Variants in MADD observed in about 807,000 individuals in gnomAD.
MADD encodes the protein MAP kinase-activating death domain protein.
MADD carries 109 observed loss-of-function variants against 176.7 expected under a neutral mutation model. The observed-to-expected ratio is 0.62, with a 90% confidence interval of 0.53 to 0.72. The LOEUF (loss-of-function observed/expected upper bound fraction) is 0.72. Among genes scored for constraint, MADD ranks in the 30% least tolerant of loss-of-function variants. The pLI is 0.00. For synonymous variants in MADD, 771 were observed against 771.3 expected (o/e 1.00, Z 0.01); for missense variants, 1,914 against 2,045.5 (o/e 0.94, Z 1.24).
At chr11:47,311,423 GT>G (rs2089048316) in intron 25 of MADD, among the ~76,000 whole-genome samples, 1 of 152,192 alleles carries the variant, frequency 6.6e-6, no homozygotes, top group Non-Finnish European at 1.5e-5. Flanking sequence ...AGCCTTGGGT[GT>G]TTTTAGAGCC....
At chr11:47,281,631 T>C (rs769757772) in exon 8 of MADD, 2 of 1,613,410 alleles carry the variant, frequency 1.2e-6, no homozygotes, top group Admixed American at 3.3e-5. Context: ...AGAAATTTCA[T>C]GAGGGCCAGG....
chr11:47,284,675 C>T (rs1438213000), intron 12 of MADD, 110 bp downstream of exon 12: 1 of 1,399,862 alleles, frequency 7.1e-7, no homozygotes, highest in South Asian at 1.4e-5. Flanking sequence ...ACAATTTTCT[C>T]ATCTTCCTCT....
Position 47,281,613 on chromosome 11 carries a change from C to T in MADD, c.1329C>T (p.Leu443=), listed in dbSNP as rs189401092. The T allele has an allele frequency of 3.2e-5, 51 of 1,612,120 alleles. No individual in the cohort carries two copies. The East Asian group carries it at 1.1e-3, about 35-fold the overall frequency. Residue 443 remains leucine (L), a synonymous_variant, in exon 8 of 33, where the codon CTC becomes CTT. Coordinates refer to ENST00000402192, the Ensembl canonical transcript of MADD. Reference sequence around the variant, plus strand: ...TGAGTCTCAACACCCAGCCCATCCTCAATCTGGAGAAATTTCATGAGGGCC... The same window carrying T: ...TGAGTCTCAACACCCAGCCCATCCTTAATCTGGAGAAATTTCATGAGGGCC...
At chr11:47,322,964 G>A (rs1376156807) in intron 27 of MADD, among the ~76,000 whole-genome samples, 2 of 151,966 alleles carry the variant, frequency 1.3e-5, no homozygotes, top group South Asian at 2.1e-4. Flanking sequence ...TGGGCCGGGC[G>A]CGGTGGCTCA....
At chr11:47,306,330 G>A (rs1338315322) in intron 22 of MADD, among the ~76,000 whole-genome samples, 2 of 152,196 alleles carry the variant, frequency 1.3e-5, no homozygotes, top group Non-Finnish European at 2.9e-5. Context: ...AAGGGGAGCT[G>A]TGGCCATCTG....
At chr11:47,298,921 A>G (rs1423290479) in intron 22 of MADD, among the ~76,000 whole-genome samples, 1 of 152,218 alleles carries the variant, frequency 6.6e-6, no homozygotes, top group Non-Finnish European at 1.5e-5. Context: ...TCCGAGCAGC[A>G]TTTATTGAAG....
At chr11:47,278,127 T>C (rs752566302) in intron 5 of MADD, 38 bp from the exon 6 acceptor site, 10 of 1,375,200 alleles carry the variant, frequency 7.3e-6, no homozygotes, top group Non-Finnish European at 9.3e-6. Context: ...CATGATAGGT[T>C]TTGTCTTTGT....
Position 47,280,349 on chromosome 11 carries a change from T to C in MADD, c.1291-1226T>C, listed in dbSNP as rs930755262. 2.2e-4 allele frequency among the ~76,000 whole-genome samples: 34 copies of C among 152,148 alleles called. 1 individual carries two copies. The highest frequency in any genetic ancestry group is 1.9e-3 in the Admixed American group (29 of 15,266). ...TCTAGATGCTATGTTTGGGTTTAAA[T>C]GGGTCATTGTGTTTCATCCCTCTCA... On this transcript the variant is annotated intron_variant, in intron 7 of 32. Coordinates refer to ENST00000402192, the Ensembl canonical transcript of MADD.
chr11:47,270,167 G>GCGCCGCGCTGGGGAGCGA (rs1958912175), exon 1 of MADD: 1 of 152,142 alleles, frequency 6.6e-6, no homozygotes, highest in Non-Finnish European at 1.5e-5. Flanking sequence ...GCTCGGAGCG[G>GCGCCGCGCTGGGGAGCGA]CGCCGCGCTG....
At chr11:47,269,957 G>GCGCGCCCTCC (rs1958640654), upstream of MADD, 2 of 152,280 alleles carry the variant, frequency 1.3e-5, no homozygotes, top group African/African-American at 4.8e-5. Flanking sequence ...GGTCGGCCTG[G>GCGCGCCCTCC]CGCGCCCTCC....
chr11:47,317,346 G>A (rs2093360017), intron 27 of MADD, among the ~76,000 whole-genome samples: 1 of 152,196 alleles, frequency 6.6e-6, no homozygotes, highest in Non-Finnish European at 1.5e-5. Context: ...AAATGAGATT[G>A]CTGGGTCAGA....
exon 2 of MADD, chr11:47,273,858 C>G: frequency 6.8e-7 from 1 of 1,474,862 alleles, no homozygotes; most frequent in South Asian, 1.1e-5. Context: ...CCTGGGAATG[C>G]TGACTCCTTG....
chr11:47,286,653 T>G (rs1565356496), intron 15 of MADD, 119 bp downstream of exon 15: 1 of 707,508 alleles, frequency 1.4e-6, no homozygotes. Context: ...TCCCTCATGT[T>G]GCTCCTCATG....
chr11:47,314,785 C>T (rs1407163282), intron 26 of MADD, among the ~76,000 whole-genome samples: 3 of 152,004 alleles, frequency 2.0e-5, no homozygotes, highest in Admixed American at 6.5e-5. Context: ...AATGCAGAGG[C>T]AGATAGGAGA....
Position 47,288,950 on chromosome 11 carries a change from G to C in MADD, c.2654-441G>C, listed in dbSNP as rs1266152929. 6.3e-7 allele frequency: 1 copy of C among 1,584,584 alleles called. No individual in the cohort carries two copies. Among genetic ancestry groups the C allele is most frequent in the Non-Finnish European group, 8.6e-7 (1 of 1,166,908 alleles). On this transcript the variant is annotated intron_variant, in intron 15 of 32. Coordinates refer to ENST00000402192, the Ensembl canonical transcript of MADD. Reference sequence around the variant, plus strand: ...CGGTATTGTGGTACACCTACTAATTGTGTATTTTGTGTCCCAGTATTTGGG... The same window carrying C: ...CGGTATTGTGGTACACCTACTAATTCTGTATTTTGTGTCCCAGTATTTGGG...
At chr11:47,285,352 G>T in intron 13 of MADD, 99 bp from the exon 14 acceptor site, 1 of 1,565,062 alleles carries the variant, frequency 6.4e-7, no homozygotes, top group Non-Finnish European at 8.7e-7. Context: ...TAGGAATTAC[G>T]GGAAGGGAGT....
upstream of MADD, chr11:47,269,881 GTCTC>G (rs1174642284): frequency 6.6e-6 from 1 of 152,240 alleles, no homozygotes; most frequent in East Asian, 1.9e-4. Context: ...TCGGGTGAGA[GTCTC>G]TCTGAGCAAC....
chr11:47,324,095 G>A (rs868734983), intron 28 of MADD, 170 bp from the exon 32 acceptor site: 20 of 664,646 alleles, frequency 3.0e-5, no homozygotes, highest in South Asian at 8.9e-5. Context: ...CATATGCTCC[G>A]GATCTATCAT....
At chr11:47,315,306 C>T (rs558747340) in exon 27 of MADD, 1 of 1,612,906 alleles carries the variant, frequency 6.2e-7, no homozygotes, top group South Asian at 1.1e-5. Flanking sequence ...CAGATACAAA[C>T]GGAGATATCT....
Sources: allele counts gnomAD v4.1 joint callset (sites outside exome capture counted in the v4.1 genomes callset), GRCh38; gene constraint gnomAD v4.1.1; transcripts MANE v1.5; gene names NCBI Gene and HGNC (gene_info 2026-07-23, HGNC 2026-07-21).